LRRC7: variants seen among roughly 807,000 people sequenced by gnomAD.
The protein encoded by LRRC7 is leucine-rich repeat-containing protein 7.
Under a neutral mutation model 175.7 loss-of-function variants are expected in LRRC7, and 23 were observed. The ratio of observed to expected loss-of-function variants is 0.13; its 90% CI spans 0.09 to 0.19. The LOEUF (loss-of-function observed/expected upper bound fraction) is 0.19. LRRC7 is among the 10% of genes least tolerant of loss of function. The pLI is 1.00. For missense variants in LRRC7, 1,354 were observed against 1,904.7 expected, an observed-to-expected ratio of 0.71 and a Z score of 5.38; for synonymous variants, 685 against 680.9, an observed-to-expected ratio of 1.01 and a Z score of -0.09.
intron 9 of LRRC7, 118 bp downstream of exon 9, chr1:69,980,571 T>A: frequency 1.3e-6 from 1 of 799,792 alleles, no homozygotes; most frequent in Non-Finnish European, 2.0e-6. Context: ...TAATACTCAT[T>A]AGGAGTGTTC....
intron 1 of LRRC7, among the ~76,000 whole-genome samples, chr1:69,672,534 A>T (rs1659225072): frequency 6.6e-6 from 1 of 152,232 alleles, no homozygotes; most frequent in Admixed American, 6.5e-5. Flanking sequence ...GATAAAATAC[A>T]GATGACATGG....
intron 4 of LRRC7, among the ~76,000 whole-genome samples, chr1:69,821,117 G>C (rs1353336642): frequency 6.6e-6 from 1 of 152,168 alleles, no homozygotes; most frequent in Non-Finnish European, 1.5e-5. Context: ...GACCAGTGAT[G>C]ATGAGCATTT....
chr1:70,034,258 TG>T (rs1659075547), intron 18 of LRRC7, among the ~76,000 whole-genome samples: 1 of 152,180 alleles, frequency 6.6e-6, no homozygotes, highest in African/African-American at 2.4e-5. Context: ...ACATTTCTTA[TG>T]CTAAATCTTT....
chr1:70,011,336 T>G (rs373225336), intron 11 of LRRC7, among the ~76,000 whole-genome samples: 7,906 of 136,114 alleles, frequency 0.058, 201 homozygotes, highest in South Asian at 0.11. Context: ...AATTGGTGGT[T>G]TTTTTTTTCT....
intron 7 of LRRC7, among the ~76,000 whole-genome samples, chr1:69,890,525 T>C (rs1371113033): frequency 6.6e-6 from 1 of 152,212 alleles, no homozygotes; most frequent in African/African-American, 2.4e-5. Context: ...CCTAAGATTT[T>C]CAGAATGGTA....
intron 26 of LRRC7, among the ~76,000 whole-genome samples, chr1:70,108,303 T>C (rs1665281854): frequency 6.6e-6 from 1 of 152,116 alleles, no homozygotes. Context: ...AGTTTAGCTC[T>C]ATATAAGGTG....
At chr1:69,702,984 C>T (rs1005177143) in intron 2 of LRRC7, among the ~76,000 whole-genome samples, 17 of 151,976 alleles carry the variant, frequency 1.1e-4, no homozygotes, top group Admixed American at 2.6e-4. Context: ...ATTACATGGA[C>T]GTAATTAAGC....
chr1:69,910,593 A>T (rs903623637), intron 7 of LRRC7, among the ~76,000 whole-genome samples: 2 of 152,078 alleles, frequency 1.3e-5, no homozygotes, highest in African/African-American at 4.8e-5. Flanking sequence ...CAGCCGTGTG[A>T]GGTGTCAGTC....
intron 2 of LRRC7, among the ~76,000 whole-genome samples, chr1:69,729,258 A>T (rs1182422003): frequency 1.3e-5 from 2 of 152,134 alleles, no homozygotes; most frequent in African/African-American, 4.8e-5. Context: ...GTGTCCTCAC[A>T]ATTCAAAACA....
At chr1:70,078,840 A>G (rs1319485223) in intron 24 of LRRC7, among the ~76,000 whole-genome samples, 2 of 151,798 alleles carry the variant, frequency 1.3e-5, no homozygotes, top group Non-Finnish European at 1.5e-5. Flanking sequence ...ACACACACAC[A>G]CACACACACA....
intron 9 of LRRC7, among the ~76,000 whole-genome samples, chr1:69,981,835 C>A (rs1389275557): frequency 2.0e-5 from 3 of 152,196 alleles, no homozygotes; most frequent in African/African-American, 4.8e-5. Context: ...GCTAAGCATT[C>A]TCTCTGTGTT....
chr1:70,032,334 C>T (rs866607469), intron 18 of LRRC7, among the ~76,000 whole-genome samples: 2 of 151,964 alleles, frequency 1.3e-5, no homozygotes, highest in Non-Finnish European at 2.9e-5. Flanking sequence ...ATCTTGGCTC[C>T]ACCTTGTGAC....
At chr1:69,966,256 A>T (rs1013872855) in intron 8 of LRRC7, among the ~76,000 whole-genome samples, 16 of 152,152 alleles carry the variant, frequency 1.1e-4, no homozygotes, top group African/African-American at 3.9e-4. Flanking sequence ...TCAGATTAAA[A>T]TTTTAATTTT....
At chr1:69,995,483 A>G (rs1410134345) in intron 11 of LRRC7, among the ~76,000 whole-genome samples, 1 of 151,854 alleles carries the variant, frequency 6.6e-6, no homozygotes, top group Non-Finnish European at 1.5e-5. Context: ...TACATGTGCC[A>G]TGCTGGTGCG....
chr1:69,923,045 C>T (rs1646941950), intron 7 of LRRC7, among the ~76,000 whole-genome samples: 1 of 152,036 alleles, frequency 6.6e-6, no homozygotes, highest in South Asian at 2.1e-4. Flanking sequence ...TCACTTCCCA[C>T]CTATGAGTGA....
intron 11 of LRRC7, among the ~76,000 whole-genome samples, chr1:69,996,159 G>T (rs1654941052): frequency 1.3e-5 from 2 of 151,516 alleles, no homozygotes; most frequent in South Asian, 4.2e-4. Context: ...GGCCAGTGAT[G>T]GTGAGCATTT....
chr1:69,722,966 GATTTTTATGTTAGTTTTTTGCC>G (rs915047046), intron 2 of LRRC7, among the ~76,000 whole-genome samples: 2 of 151,780 alleles, frequency 1.3e-5, no homozygotes, highest in Non-Finnish European at 2.9e-5. Context: ...CTTAAAATTT[GATTTTTATGTTAGTTTTTTGCC>G]ATTTTTATGT....
At chr1:69,799,532 A>G (rs1676213286) in intron 4 of LRRC7, among the ~76,000 whole-genome samples, 1 of 152,132 alleles carries the variant, frequency 6.6e-6, no homozygotes, top group Non-Finnish European at 1.5e-5. Context: ...GCAGCAAAAG[A>G]CATGATTGCA....
At chr1:69,956,649 C>T (rs1205788011) in intron 8 of LRRC7, among the ~76,000 whole-genome samples, 2 of 151,200 alleles carry the variant, frequency 1.3e-5, no homozygotes, top group East Asian at 3.9e-4. Flanking sequence ...TCTATTCTAA[C>T]CTGATACCTA....
Sources: allele counts gnomAD v4.1 joint callset (sites outside exome capture counted in the v4.1 genomes callset), GRCh38; gene constraint gnomAD v4.1.1; transcripts MANE v1.5; gene names NCBI Gene and HGNC (gene_info 2026-07-23, HGNC 2026-07-21).